The following PIWIL3 variants were observed in gnomAD, a reference collection of about 807,000 sequenced individuals.
PIWIL3 encodes piwi like RNA-mediated gene silencing 3, also known as piwi-like protein 3.
In PIWIL3, 101 loss-of-function variants were observed where a neutral mutation model predicts 109.7. The ratio of observed to expected loss-of-function variants is 0.92; its 90% CI spans 0.78 to 1.09. PIWIL3 has a LOEUF of 1.09. Among genes scored for constraint, PIWIL3 ranks in the 50% least tolerant of loss-of-function variants. The probability of loss-of-function intolerance (pLI) is 0.00; values close to 1 mark genes in which losing one functional copy is unlikely to be tolerated. For synonymous variants in PIWIL3, 373 were observed against 376.4 expected (o/e 0.99, Z 0.10); for missense variants, 1,031 against 1,072.6 (o/e 0.96, Z 0.54).
intron 4 of PIWIL3, among the ~76,000 whole-genome samples, chr22:24,757,079 C>CAAAAAAAAACAAAAAAA (rs1925082752): frequency 1.1e-5 from 1 of 91,738 alleles, no homozygotes; most frequent in Non-Finnish European, 2.1e-5. Context: ...AACTCCGTCT[C>CAAAAAAAAACAAAAAAA]AAAAAAAAAA....
At chr22:24,773,243 G>C (rs5996756) in intron 1 of PIWIL3, among the ~76,000 whole-genome samples, 67,746 of 151,996 alleles carry the variant, frequency 0.45, 15,375 homozygotes, top group East Asian at 0.59. Flanking sequence ...GGCTCAGCAG[G>C]GAGGGCATTA....
Position 24,757,897 on chromosome 22 carries a change from G to T in PIWIL3, c.355+11C>A. Reference sequence around the variant, plus strand: ...ACAGCTCCATAAACATTGAGTTCTAGACCAACATACCTGTTTTTGAGTCTT... The same window carrying T: ...ACAGCTCCATAAACATTGAGTTCTATACCAACATACCTGTTTTTGAGTCTT... On this transcript the variant is annotated intron_variant, in intron 4 of 20. Coordinates refer to ENST00000616349, the MANE Select transcript of PIWIL3 (RefSeq NM_001255975.1). 1 of 1,584,504 alleles carries T rather than the reference G, an allele frequency of 6.3e-7. No individual in the cohort carries two copies. The highest frequency in any genetic ancestry group is 1.2e-5 in the South Asian group (1 of 85,954).
intron 12 of PIWIL3, among the ~76,000 whole-genome samples, chr22:24,740,990 C>A (rs1923972706): frequency 6.6e-6 from 1 of 152,004 alleles, no homozygotes; most frequent in African/African-American, 2.4e-5. Context: ...TCCTGGTGAA[C>A]ATAGATGTAA....
chr22:24,757,836 T>C, intron 4 of PIWIL3, 72 bp downstream of exon 4: 1 of 1,446,462 alleles, frequency 6.9e-7, no homozygotes, highest in East Asian at 2.4e-5. Context: ...GGACCTTGTC[T>C]CTCAATGAAA....
chr22:24,749,600 A>G (rs891419517), intron 10 of PIWIL3, 79 bp from the exon 11 acceptor site: 3 of 1,610,548 alleles, frequency 1.9e-6, no homozygotes, highest in East Asian at 2.2e-5. Context: ...GGAGGAACCT[A>G]CTACCAAGGA....
At chr22:24,750,482 A>ATTTTTTTTTTT (rs1241174453) in intron 9 of PIWIL3, among the ~76,000 whole-genome samples, 29 of 114,326 alleles carry the variant, frequency 2.5e-4, no homozygotes, top group Admixed American at 5.0e-4. Flanking sequence ...ACCACATTTG[A>ATTTTTTTTTTT]TTTTTTTTCT....
intron 14 of PIWIL3, 90 bp from the exon 15 acceptor site, chr22:24,728,464 A>T: frequency 6.8e-7 from 1 of 1,471,076 alleles, no homozygotes; most frequent in Non-Finnish European, 9.4e-7. Flanking sequence ...CTTAGGTGGA[A>T]GACTAACAAG....
intron 19 of PIWIL3, 128 bp downstream of exon 19, chr22:24,723,002 A>C: frequency 9.0e-7 from 1 of 1,107,522 alleles, no homozygotes; most frequent in Non-Finnish European, 1.3e-6. Flanking sequence ...AGTAAAAAAA[A>C]CAGACCAAAT....
At chr22:24,766,487 T>G (rs561178614) in intron 1 of PIWIL3, among the ~76,000 whole-genome samples, 1 of 151,732 alleles carries the variant, frequency 6.6e-6, no homozygotes, top group Non-Finnish European at 1.5e-5. Flanking sequence ...CCTGGCTAAT[T>G]TTTTTGTATT....
chr22:24,760,014 A>T (rs1925325041), intron 2 of PIWIL3, 25 bp from the exon 3 acceptor site: 1 of 1,613,048 alleles, frequency 6.2e-7, no homozygotes, highest in Non-Finnish European at 8.5e-7. Flanking sequence ...AAATAGAAAT[A>T]ATGAGCAGTG....
At position 24,728,071 on chromosome 22, in the gene PIWIL3, A is replaced by G. The variant is rs774028177; in HGVS notation, c.1906-18T>C. 82 of 1,612,100 alleles carry G rather than the reference A, an allele frequency of 5.1e-5. No homozygotes were observed. The highest frequency in any genetic ancestry group is 6.8e-5 in the Non-Finnish European group (80 of 1,178,680). On this transcript the variant is annotated intron_variant, in intron 15 of 20. Transcript: ENST00000616349. Reference sequence around the variant, plus strand: ...CTTTGTACCTTAAGTTTGTTTTTGAAAAGGTAATGGAGTTAGAACGTGAGC... The same window carrying G: ...CTTTGTACCTTAAGTTTGTTTTTGAGAAGGTAATGGAGTTAGAACGTGAGC...
At chr22:24,719,715 A>C (rs749387770) in intron 20 of PIWIL3, 33 bp downstream of exon 20, 2 of 1,587,178 alleles carry the variant, frequency 1.3e-6, no homozygotes, top group Non-Finnish European at 1.7e-6. Flanking sequence ...ACATTTAAAA[A>C]ATCTGAAGAA....
At chr22:24,760,164 AG>A (rs1234975953) in intron 2 of PIWIL3, among the ~76,000 whole-genome samples, 175 bp from the exon 3 acceptor site, 1 of 152,198 alleles carries the variant, frequency 6.6e-6, no homozygotes, top group Non-Finnish European at 1.5e-5. Flanking sequence ...GTAATTGCTA[AG>A]GAAAAAAACA....
intron 19 of PIWIL3, among the ~76,000 whole-genome samples, chr22:24,721,003 T>G (rs1922644081): frequency 6.6e-6 from 1 of 152,222 alleles, no homozygotes; most frequent in South Asian, 2.1e-4. Context: ...TTTTTTATAC[T>G]CCATCGTAAC....
intron 12 of PIWIL3, among the ~76,000 whole-genome samples, chr22:24,748,099 T>TAAAA (rs56807638): frequency 2.6e-5 from 4 of 151,708 alleles, no homozygotes; most frequent in Non-Finnish European, 5.9e-5. Context: ...TATTCAGCCG[T>TAAAA]AAAAAAAACA....
At chr22:24,732,971 G>T (rs535916222) in intron 14 of PIWIL3, among the ~76,000 whole-genome samples, 5 of 152,250 alleles carry the variant, frequency 3.3e-5, no homozygotes, top group African/African-American at 1.2e-4. Context: ...GGTTCCCAAT[G>T]GGGGCTTCTC....
rs200999239 is a variant in PIWIL3, at chr22:24,759,840, C to T, written c.223+29G>A. 813 of 1,613,432 alleles carry T rather than the reference C, an allele frequency of 5.0e-4. 1 individual carries two copies. The highest frequency in any genetic ancestry group is 6.5e-4 in the Non-Finnish European group (769 of 1,179,616). On this transcript the variant is annotated intron_variant, in intron 3 of 20. Coordinates refer to ENST00000616349, the MANE Select transcript of PIWIL3 (RefSeq NM_001255975.1). Reference sequence around the variant, plus strand: ...CCCTTCACACATGAAGCATCCCCTGCCCCTCATGTCCTTCTTGCTTCCTTT... The same window carrying T: ...CCCTTCACACATGAAGCATCCCCTGTCCCTCATGTCCTTCTTGCTTCCTTT...
At chr22:24,771,491 A>AG in intron 1 of PIWIL3, among the ~76,000 whole-genome samples, 1 of 149,356 alleles carries the variant, frequency 6.7e-6, no homozygotes, top group South Asian at 2.1e-4. Context: ...AAAAAAAAAA[A>AG]AAAGAAAGTT....
chr22:24,751,481 T>C lies in PIWIL3; in HGVS notation c.995A>G (p.Tyr332Cys), dbSNP rs1924707007. The C allele has an allele frequency of 6.2e-7, 1 of 1,611,288 alleles. No homozygotes were observed. Among genetic ancestry groups the C allele is most frequent in the African/African-American group, 1.3e-5 (1 of 74,792 alleles). ...IVLTKYNNKTYRVDDIDWKQN... is the reference protein window; with the variant it reads ...IVLTKYNNKTCRVDDIDWKQN... ...CTTCCAATCAATATCATCTACTCTG[T>C]AGGTTTTGTTGTTGTATCTGTGGAA... Residue 332 changes from tyrosine (Y) to cysteine (C), a missense_variant, in exon 9 of 21, where the codon TAC becomes TGC. Physicochemically the swap from Tyr to Cys is radical, Grantham distance 194. Transcript: ENST00000616349.
Sources: allele counts gnomAD v4.1 joint callset (sites outside exome capture counted in the v4.1 genomes callset), GRCh38; gene constraint gnomAD v4.1.1; transcripts MANE v1.5; gene names NCBI Gene and HGNC (gene_info 2026-07-23, HGNC 2026-07-21).